TLE2: variants seen among roughly 807,000 people sequenced by gnomAD.
The protein encoded by TLE2 is TLE family member 2, transcriptional corepressor.
A neutral mutation model predicts 97.2 loss-of-function variants in TLE2; 74 were observed. The ratio of observed to expected loss-of-function variants is 0.76; its 90% CI spans 0.63 to 0.92. TLE2 has a LOEUF of 0.92. Ranked by LOEUF, TLE2 falls within the 40% of genes least tolerant of loss-of-function variation. The probability of loss-of-function intolerance (pLI) is 0.00; values close to 1 mark genes in which losing one functional copy is unlikely to be tolerated. For missense variants in TLE2, 1,038 were observed against 1,008.7 expected, an observed-to-expected ratio of 1.03 and a Z score of -0.39; for synonymous variants, 499 against 432.1, an observed-to-expected ratio of 1.15 and a Z score of -1.92.
intron 5 of TLE2, among the ~76,000 whole-genome samples, chr19:3,023,100 G>C (rs566609976): frequency 6.7e-6 from 1 of 150,248 alleles, no homozygotes; most frequent in African/African-American, 2.5e-5. Context: ...TGTTGCCCAG[G>C]CTGGAGTGCA....
intron 1 of TLE2, among the ~76,000 whole-genome samples, chr19:3,037,709 G>A (rs1473237659): frequency 4.6e-5 from 7 of 152,154 alleles, no homozygotes; most frequent in Non-Finnish European, 5.9e-5. Flanking sequence ...GCGGCTGGGG[G>A]AGAAGTCCCA....
At chr19:3,035,400 C>A (rs1276029469) in intron 1 of TLE2, among the ~76,000 whole-genome samples, 1 of 152,104 alleles carries the variant, frequency 6.6e-6, no homozygotes, top group Non-Finnish European at 1.5e-5. Context: ...GCCTCAGTTT[C>A]CCCAGCTGCA....
chr19:3,007,548 C>A (rs1369708913), intron 14 of TLE2, among the ~76,000 whole-genome samples: 4 of 152,092 alleles, frequency 2.6e-5, no homozygotes, highest in Non-Finnish European at 2.9e-5. Context: ...TGGTGCTCGG[C>A]CTCTGATTTA....
rs370260025 is a variant in TLE2, at chr19:3,023,248, G to A, written c.294+1772C>T. On this transcript the variant is annotated intron_variant, in intron 5 of 19. Transcript: ENST00000262953. ...AAATGAGGTTTCACCATACTGGCCA[G>A]GTGGGTCTCAAACTCCTGACCTCAT... Among the ~76,000 whole-genome samples, 12 of 152,126 alleles carry A rather than the reference G, an allele frequency of 7.9e-5. No homozygotes were observed. In the East Asian group the frequency reaches 1.9e-3, roughly 25 times the overall value.
At chr19:3,039,122 C>T (rs918048014) in intron 1 of TLE2, among the ~76,000 whole-genome samples, 2 of 140,222 alleles carry the variant, frequency 1.4e-5, no homozygotes, top group African/African-American at 5.4e-5. Flanking sequence ...GAGGCTGAGA[C>T]AGAATTGCTT....
intron 4 of TLE2, among the ~76,000 whole-genome samples, chr19:3,026,662 C>T (rs1259474030): frequency 1.3e-5 from 2 of 150,548 alleles, no homozygotes; most frequent in Non-Finnish European, 3.0e-5. Context: ...ACCCTGAGGT[C>T]TATCTCTGAA....
chr19:3,019,915 A>T lies in TLE2; in HGVS notation c.295-142T>A, dbSNP rs980360136. On this transcript the variant is annotated intron_variant, in intron 5 of 19. Transcript: ENST00000262953. This position sits in a 1 kb window ranked among gnomAD's most constrained non-coding sequence, Gnocchi z 5.1. Reference sequence around the variant, plus strand: ...TTTCTCTTTTATCTTTTTCCCTCTCACTCTCTCCCTTTCCTTTTGGAATTT... The same window carrying T: ...TTTCTCTTTTATCTTTTTCCCTCTCTCTCTCTCCCTTTCCTTTTGGAATTT... The T allele has an allele frequency of 3.5e-6, 4 of 1,130,504 alleles. No homozygotes were observed. The highest frequency in any genetic ancestry group is 3.7e-6 in the Non-Finnish European group (3 of 812,992). 70.0% of individuals were successfully genotyped at this position (1,130,504 alleles called of 1,614,324 possible). A position where few individuals can be genotyped will look rare whatever the true frequency, so the allele number is the denominator to read the frequency against.
intron 14 of TLE2, among the ~76,000 whole-genome samples, chr19:3,008,103 CA>C (rs1345777818): frequency 6.6e-6 from 1 of 152,092 alleles, no homozygotes; most frequent in East Asian, 1.9e-4. Flanking sequence ...CAAAACAAAA[CA>C]AAACTTTTCA....
Position 3,017,853 on chromosome 19 carries a change from C to G in TLE2, c.557G>C (p.Arg186Thr), listed in dbSNP as rs769142446. 10 of 1,612,418 alleles carry G rather than the reference C, an allele frequency of 6.2e-6. No individual in the cohort carries two copies. The South Asian group carries it at 9.9e-5, about 16-fold the overall frequency. The stretch of plus-strand genomic sequence containing the variant: ...CCACTCACTTACCCTGCTCGGGGCT[C>G]TCTCCACTGACAGATTGGGAATGGG... The part of the protein sequence containing the change: ...GVEAEGSRVE[R>T]APSRSASPSP... Residue 186 changes from arginine (R) to threonine (T), a missense_variant, in exon 8 of 20, where the codon AGA (arginine) becomes ACA (threonine). Transcript: ENST00000262953.
At chr19:3,014,503 C>G in intron 10 of TLE2, 67 bp downstream of exon 10, 1 of 1,411,160 alleles carries the variant, frequency 7.1e-7, no homozygotes, top group Non-Finnish European at 9.4e-7. Flanking sequence ...TGGGTCCTCC[C>G]AGTCCAGAAA....
At chr19:3,029,590 G>A, upstream of TLE2, 1 of 531,116 alleles carries the variant, frequency 1.9e-6, no homozygotes, top group Non-Finnish European at 2.4e-6. Context: ...GCGGGGACCA[G>A]TCTGGAGTCG....
rs2145147138 is a variant in TLE2, at chr19:3,011,058, G to A, written c.976C>T (p.Leu326Phe). The A allele has an allele frequency of 1.2e-6, 2 of 1,606,936 alleles. No homozygotes were observed. The highest frequency in any genetic ancestry group is 4.5e-5 in the East Asian group (2 of 44,680). The change falls in exon 12 of 20, where the codon CTT becomes TTT. Residue 326 changes from leucine to phenylalanine, a missense_variant. Physicochemically the swap from Leu to Phe is conservative, Grantham distance 22. Transcript: ENST00000262953. The stretch of plus-strand genomic sequence containing the variant: ...GTGGAAGGTGCTGGCTTGGCAGCAA[G>A]CTGGCAGAGGTGACTGGCCGAGCTG... ...GPSSASHLCQ[L>F]AAKPAPSTDS...
chr19:3,041,314 C>T (rs2090101795), intron 1 of TLE2, among the ~76,000 whole-genome samples: 1 of 151,850 alleles, frequency 6.6e-6, no homozygotes, highest in South Asian at 2.1e-4. Context: ...GGAGTGAGCC[C>T]CCGCGCCCAG....
At position 3,019,295 on chromosome 19, in the gene TLE2, C is replaced by G. The variant is rs1026165319; in HGVS notation, c.538G>C (p.Glu180Gln). 7 of 1,576,040 alleles carry G rather than the reference C, an allele frequency of 4.4e-6. No individual in the cohort carries two copies. The highest frequency in any genetic ancestry group is 1.8e-5 in the Admixed American group (1 of 56,754). ...VKEDRAGVEA[E>Q]GSRVERAPSR... ...GCTGCCCACTCACCTCTGGACCCCTCGGCCTCCACGCCCGCACGGTCCTCC... is the reference window on the plus strand; with the variant it reads ...GCTGCCCACTCACCTCTGGACCCCTGGGCCTCCACGCCCGCACGGTCCTCC... The change falls in exon 7 of 20, where the codon GAG becomes CAG. Residue 180 changes from glutamate to glutamine, a missense_variant. Glu to Gln is a conservative substitution (Grantham distance 29, BLOSUM62 2). Transcript: ENST00000262953. The surrounding 1 kb of genome is among the most constrained non-coding windows in gnomAD (Gnocchi z 5.1).
Position 3,025,030 on chromosome 19 carries a change from AG to A in TLE2, c.283del (p.Leu95Ter). On this transcript the variant is annotated frameshift_variant, in exon 5 of 20. Coordinates refer to ENST00000262953, the MANE Select transcript of TLE2 (RefSeq NM_003260.5). LOFTEE classifies it high-confidence loss of function. ...CCCAGGCCCACTCACCTCCTGGGTC[AG>A]GAAGGGGATAATCTGAGCGCAGATA... Reference protein sequence around the residue: ...SGICAQIIPFLTQEHQQQVLQ... With the variant: ...SGICAQIIPFXTQEHQQQVLQ... 6.3e-7 allele frequency: 1 copy of A among 1,595,220 alleles called. No individual in the cohort carries two copies. Among genetic ancestry groups the A allele is most frequent in the Non-Finnish European group, 8.5e-7 (1 of 1,170,928 alleles).
chr19:3,040,733 C>T (rs949696809), intron 1 of TLE2, among the ~76,000 whole-genome samples: 1 of 151,798 alleles, frequency 6.6e-6, no homozygotes, highest in Non-Finnish European at 1.5e-5. Context: ...CTGCAAGCCT[C>T]GAGCAAAATC....
chr19:3,035,719 G>A (rs979798593), intron 1 of TLE2, among the ~76,000 whole-genome samples: 2 of 152,160 alleles, frequency 1.3e-5, no homozygotes, highest in Non-Finnish European at 2.9e-5. Context: ...TAGGAAACTG[G>A]CCAATGGGGA....
chr19:3,024,298 AC>A (rs1794801953), intron 5 of TLE2, among the ~76,000 whole-genome samples: 1 of 151,876 alleles, frequency 6.6e-6, no homozygotes, highest in South Asian at 2.1e-4. Context: ...GAGCCACCGC[AC>A]CTGGCCGAAT....
intron 12 of TLE2, among the ~76,000 whole-genome samples, 180 bp from the exon 13 acceptor site, chr19:3,009,882 TCTC>T (rs752706241): frequency 6.1e-4 from 26 of 42,316 alleles, no homozygotes; most frequent in Admixed American, 1.3e-3. Flanking sequence ...CGACTTTCTC[TCTC>T]TCTTTTTTTC....
Sources: gnomAD v4.1 joint callset for allele counts (sites outside exome capture counted in the v4.1 genomes callset) on GRCh38, gnomAD v4.1.1 for gene constraint, Gnocchi (gnomAD v3.1) non-coding constraint, MANE v1.5 for transcripts, NCBI Gene and HGNC (gene_info 2026-07-23, HGNC 2026-07-21) for gene names.